Variants in DSTYK observed in about 807,000 individuals in gnomAD.
DSTYK encodes dual serine/threonine and tyrosine protein kinase.
A neutral mutation model predicts 98.7 loss-of-function variants in DSTYK; 34 were observed. The ratio of observed to expected loss-of-function variants is 0.34; its 90% confidence interval spans 0.26 to 0.46. The LOEUF is 0.46. Ranked by LOEUF, DSTYK falls within the 20% of genes least tolerant of loss-of-function variation. DSTYK has a pLI of 1.00. For missense variants in DSTYK, 962 were observed against 1,181.7 expected, an observed-to-expected ratio of 0.81 and a Z score of 2.73; for synonymous variants, 462 against 457.3, an observed-to-expected ratio of 1.01 and a Z score of -0.13.
intron 2 of DSTYK, among the ~76,000 whole-genome samples, chr1:205,185,801 A>T (rs1185240999): frequency 6.6e-6 from 1 of 152,180 alleles, no homozygotes; most frequent in African/African-American, 2.4e-5. Context: ...AGGTGGGTGG[A>T]TCACTGAGGT....
intron 1 of DSTYK, among the ~76,000 whole-genome samples, chr1:205,205,882 T>TA (rs1049814397): frequency 6.6e-6 from 1 of 152,128 alleles, no homozygotes; most frequent in African/African-American, 2.4e-5. Flanking sequence ...CAAAGAGCTA[T>TA]AAAAAAAACC....
intron 3 of DSTYK, among the ~76,000 whole-genome samples, chr1:205,165,142 G>A (rs1382109955): frequency 6.6e-6 from 1 of 152,110 alleles, no homozygotes; most frequent in Non-Finnish European, 1.5e-5. Flanking sequence ...CGCCTAGGCT[G>A]GAGTGCAGTG....
chr1:205,166,591 T>C (rs570605652), intron 3 of DSTYK, among the ~76,000 whole-genome samples: 7 of 152,344 alleles, frequency 4.6e-5, no homozygotes, highest in South Asian at 2.1e-4. Context: ...GATACTTTAC[T>C]GTCTGCCCAA....
intron 10 of DSTYK, among the ~76,000 whole-genome samples, chr1:205,152,540 G>A (rs915668449): frequency 6.6e-6 from 1 of 152,196 alleles, no homozygotes; most frequent in African/African-American, 2.4e-5. Flanking sequence ...CTGTCATTGC[G>A]CAGTGCATGA....
chr1:205,159,713 C>T, intron 8 of DSTYK, 34 bp from the exon 9 acceptor site: 1 of 1,611,486 alleles, frequency 6.2e-7, no homozygotes. Flanking sequence ...GGCTACAAGG[C>T]TTGGGCTCTA....
intron 2 of DSTYK, among the ~76,000 whole-genome samples, chr1:205,178,136 A>C (rs1658286464): frequency 6.6e-6 from 1 of 152,154 alleles, no homozygotes; most frequent in Admixed American, 6.5e-5. Context: ...CATAGCCCTC[A>C]GTAGCCATAG....
chr1:205,187,915 T>A, intron 1 of DSTYK, 109 bp from the exon 2 acceptor site: 1 of 1,127,768 alleles, frequency 8.9e-7, no homozygotes, highest in Non-Finnish European at 1.2e-6. Flanking sequence ...GACAAGGTCC[T>A]AGAGGAGAAA....
Position 205,146,212 on chromosome 1 carries a change from A to T in DSTYK, c.*1346T>A, listed in dbSNP as rs1406914518. ...AAACGTCAGTGTGTTAGATTCAAACACAAAAAGAAAAATTTCTGATTGTGT... is the reference window on the plus strand; with the variant it reads ...AAACGTCAGTGTGTTAGATTCAAACTCAAAAAGAAAAATTTCTGATTGTGT... On this transcript the variant is annotated 3_prime_UTR_variant, in exon 13 of 13. Coordinates refer to ENST00000367162, the MANE Select transcript of DSTYK (RefSeq NM_015375.3). The T allele has an allele frequency of 6.6e-6, 1 of 152,232 alleles. No homozygotes were observed. Among genetic ancestry groups the T allele is most frequent in the Non-Finnish European group, 1.5e-5 (1 of 68,034 alleles). The allele number at this position is 152,232 out of a possible 1,614,324, so 9.4% of individuals were successfully genotyped here. A position where few individuals can be genotyped will look rare whatever the true frequency, so the allele number is the denominator to read the frequency against.
At chr1:205,167,251 G>A (rs956178402) in intron 3 of DSTYK, among the ~76,000 whole-genome samples, 5 of 151,954 alleles carry the variant, frequency 3.3e-5, no homozygotes, top group South Asian at 4.1e-4. Context: ...AATACAAAAA[G>A]TTAGCTGGTG....
At chr1:205,161,502 A>G (rs1468754324) in intron 6 of DSTYK, 115 bp from the exon 7 acceptor site, 1 of 1,087,422 alleles carries the variant, frequency 9.2e-7, no homozygotes, top group Non-Finnish European at 1.3e-6. Context: ...GAATTAAACA[A>G]GATACATGTA....
intron 1 of DSTYK, among the ~76,000 whole-genome samples, chr1:205,190,162 G>C (rs1020179877): frequency 1.3e-5 from 2 of 152,144 alleles, no homozygotes; most frequent in African/African-American, 4.8e-5. Flanking sequence ...CTTACCAAGG[G>C]CTTAATGTCA....
intron 7 of DSTYK, 65 bp from the exon 8 acceptor site, chr1:205,160,335 A>AT: frequency 5.3e-6 from 7 of 1,322,582 alleles, no homozygotes; most frequent in Admixed American, 2.1e-5. Context: ...CCTCTGTAAG[A>AT]TTCTTTTTTT....
chr1:205,157,383 C>A lies in DSTYK; in HGVS notation c.2242G>T (p.Gly748Trp). ...HRDLYTGLKA[G>W]LTLETRLQIA... is the part of the protein sequence containing the mutation. Reference sequence around the variant, plus strand: ...TGCAAACGTGTCTCCAGGGTCAGCCCAGCCTTGGGGAGACAAAAGAGCTTA... The same window carrying A: ...TGCAAACGTGTCTCCAGGGTCAGCCAAGCCTTGGGGAGACAAAAGAGCTTA... The change falls in exon 10 of 13, where the codon GGG becomes TGG. Residue 748 changes from glycine (G) to tryptophan (W), a missense_variant. Physicochemically the swap from Gly to Trp is radical, Grantham distance 184 (BLOSUM62 -2). Coordinates refer to ENST00000367162, the MANE Select transcript of DSTYK (RefSeq NM_015375.3). The A allele has an allele frequency of 6.2e-7, 1 of 1,613,990 alleles. No individual in the cohort carries two copies. The highest frequency in any genetic ancestry group is 8.5e-7 in the Non-Finnish European group (1 of 1,179,860).
Position 205,187,706 on chromosome 1 carries a change from G to A in DSTYK, c.366C>T (p.Asn122=), listed in dbSNP as rs1223466494. ...GCAGATTCAACAGCTGGCACTTGACGTTACAATCCTGGCCGAGGATCAGTA... is the reference window on the plus strand; with the variant it reads ...GCAGATTCAACAGCTGGCACTTGACATTACAATCCTGGCCGAGGATCAGTA... ...PCILILGQDC[N]VKCQLLNLLL... The change falls in exon 2 of 13, where the codon AAC becomes AAT. Residue 122 remains asparagine, a synonymous_variant. Coordinates refer to ENST00000367162, the MANE Select transcript of DSTYK (RefSeq NM_015375.3). The A allele has an allele frequency of 9.9e-6, 16 of 1,614,070 alleles. No homozygotes were observed. The African/African-American group carries it at 1.3e-4, about 13-fold the overall frequency.
At chr1:205,192,052 G>C (rs547132175) in intron 1 of DSTYK, among the ~76,000 whole-genome samples, 1 of 151,940 alleles carries the variant, frequency 6.6e-6, no homozygotes, top group Non-Finnish European at 1.5e-5. Context: ...TTTGATTTTT[G>C]TTTACTTCTA....
chr1:205,176,004 T>C (rs1031250484), intron 2 of DSTYK, among the ~76,000 whole-genome samples: 17 of 152,278 alleles, frequency 1.1e-4, no homozygotes, highest in African/African-American at 3.9e-4. Context: ...TGAGTAAGCA[T>C]TTTGCTCCTA....
chr1:205,169,641 C>A lies in DSTYK; in HGVS notation c.846G>T (p.Pro282=). ...AGTCTATTATCTCCGAGCCCAGTTT[C>A]GGCACTTTGAAAAAGAATACAGGAA... ...FSFPVFFFKV[P]KLGSEIIDSS... is the part of the protein sequence containing the mutation. The change falls in exon 3 of 13, where the codon CCG becomes CCT. Residue 282 remains proline (P), a synonymous_variant. Coordinates refer to ENST00000367162, the MANE Select transcript of DSTYK (RefSeq NM_015375.3). This position sits in a 1 kb window ranked among gnomAD's most constrained non-coding sequence, Gnocchi z 4.0. 3.1e-6 allele frequency: 5 copies of A among 1,614,212 alleles called. No individual in the cohort carries two copies. The highest frequency in any genetic ancestry group is 4.2e-6 in the Non-Finnish European group (5 of 1,180,034).
At chr1:205,172,967 A>G (rs1354620279) in intron 2 of DSTYK, 1 of 152,256 alleles carries the variant, frequency 6.6e-6, no homozygotes, top group African/African-American at 2.4e-5. Context: ...TACAGTATGA[A>G]TCATTTCAGT....
In DSTYK at chr1:205,195,930, C is replaced by T. The variant is rs533007106; in HGVS notation, c.266-8124G>A. 4.3e-4 allele frequency among the ~76,000 whole-genome samples: 65 copies of T among 152,276 alleles called. No individual in the cohort carries two copies. In the South Asian group the frequency reaches 8.1e-3, roughly 19 times the overall value. On this transcript the variant is annotated intron_variant, in intron 1 of 12. Coordinates refer to ENST00000367162, the MANE Select transcript of DSTYK (RefSeq NM_015375.3). ...GCAGTTGAGGCTTTAACGTATGGGA[C>T]GCAGAGATGGAAGTAGTTCCTTGAA...
Sources: allele counts gnomAD v4.1 joint callset (sites outside exome capture counted in the v4.1 genomes callset), GRCh38; gene constraint gnomAD v4.1.1; non-coding constraint Gnocchi (gnomAD v3.1); transcripts MANE v1.5; gene names NCBI Gene and HGNC (gene_info 2026-07-23, HGNC 2026-07-21).